The following GIMAP8 variants were observed in gnomAD, a reference collection of about 807,000 sequenced individuals.
GIMAP8 encodes the protein GTPase, IMAP family member 8, also known as GTPase IMAP family member 8.
GIMAP8 carries 29 observed loss-of-function variants against 35.6 expected under a neutral mutation model. The observed-to-expected ratio is 0.81, with a 90% CI of 0.61 to 1.11. The LOEUF (loss-of-function observed/expected upper bound fraction) is 1.11. GIMAP8 is among the 50% of genes most tolerant of loss of function. The pLI is 0.00. For synonymous variants in GIMAP8, 335 were observed against 308.7 expected, an observed-to-expected ratio of 1.09 and a Z score of -0.89; for missense variants, 811 against 805.0, an observed-to-expected ratio of 1.01 and a Z score of -0.09.
At chr7:150,453,036 G>GT (rs1434885675) in intron 1 of GIMAP8, among the ~76,000 whole-genome samples, 3 of 152,006 alleles carry the variant, frequency 2.0e-5, no homozygotes, top group African/African-American at 7.2e-5. Flanking sequence ...AAACAGGCAT[G>GT]TTTGGAGTTT....
intron 1 of GIMAP8, among the ~76,000 whole-genome samples, chr7:150,460,194 G>A (rs1801814356): frequency 6.6e-6 from 1 of 152,144 alleles, no homozygotes; most frequent in South Asian, 2.1e-4. Context: ...GTGGCTGGGG[G>A]AAGAGGCTGA....
chr7:150,451,661 C>A lies in GIMAP8; in HGVS notation c.-29+486C>A, dbSNP rs747178235. 6.6e-6 allele frequency among the ~76,000 whole-genome samples: 1 copy of A among 152,160 alleles called. No homozygotes were observed. Among genetic ancestry groups the A allele is most frequent in the East Asian group, 1.9e-4 (1 of 5,184 alleles). ...CATGAAGCTAGATGGTGCCGCAGAG[C>A]AGCCCCCAGGAGGAAGCCAGCGGAG... On this transcript the variant is annotated intron_variant, in intron 1 of 4. Transcript: ENST00000307271. The surrounding 1 kb of genome is among the most constrained non-coding windows in gnomAD (Gnocchi z 4.1).
At chr7:150,473,559 A>G (rs1263119998) in intron 3 of GIMAP8, among the ~76,000 whole-genome samples, 1 of 149,266 alleles carries the variant, frequency 6.7e-6, no homozygotes, top group Non-Finnish European at 1.5e-5. Flanking sequence ...TTTGAGATCC[A>G]TCTATACTGC....
At position 150,466,679 on chromosome 7, in the gene GIMAP8, G is replaced by C. The variant is rs201085075; in HGVS notation, c.-20G>C. On this transcript the variant is annotated 5_prime_UTR_variant, in exon 2 of 5. Transcript: ENST00000307271. ...GTTTTCTGTCCCAACAGAACAAGCG[G>C]GAGCCTGTGTCAGGAAAGCATGTCA... 219 of 1,610,912 alleles carry C rather than the reference G, an allele frequency of 1.4e-4. 1 individual carries two copies. The highest frequency in any genetic ancestry group is 2.7e-5 in the Non-Finnish European group (32 of 1,178,472).
At position 150,467,022 on chromosome 7, in the gene GIMAP8, G is replaced by A. The variant is rs1801978529; in HGVS notation, c.324G>A (p.Arg108=). The part of the protein sequence containing the change: ...LLVIAIGHFT[R]EDEETAKGIQ... ...TAATTGCCATCGGCCATTTCACAAG[G>A]GAGGATGAGGAAACAGCCAAGGGCA... The change falls in exon 2 of 5, where the codon AGG becomes AGA. Residue 108 remains arginine (R), a synonymous_variant. Transcript: ENST00000307271. The A allele has an allele frequency of 8.1e-6, 13 of 1,614,238 alleles. No homozygotes were observed. The highest frequency in any genetic ancestry group is 1.1e-5 in the Non-Finnish European group (13 of 1,180,044).
At chr7:150,467,433 C>A in intron 2 of GIMAP8, 99 bp downstream of exon 2, 1 of 950,128 alleles carries the variant, frequency 1.1e-6, no homozygotes, top group Non-Finnish European at 1.6e-6. Context: ...TGTGATGGAA[C>A]ATGGGTTTTG....
rs1371586955 is a variant in GIMAP8 at position 150,450,762 on chromosome 7, C to G, written c.-442C>G. ...TTCTGAAGCTCAGCCTGGCACCGGC[C>G]CCGGCGCCCCAGCCCCTGGCCAAGC... On this transcript the variant is annotated 5_prime_UTR_variant, in exon 1 of 5. Transcript: ENST00000307271. The surrounding 1 kb of genome is among the most constrained non-coding windows in gnomAD (Gnocchi z 4.4). 1 of 152,938 alleles carries G rather than the reference C, an allele frequency of 6.5e-6. No homozygotes were observed. Among genetic ancestry groups the G allele is most frequent in the African/African-American group, 2.4e-5 (1 of 41,462 alleles). 9.5% of individuals were successfully genotyped at this position (152,938 alleles called of 1,614,324 possible).
rs1421049994 is a variant in GIMAP8, at chr7:150,472,345, A to G, written c.682+1471A>G. Among the ~76,000 whole-genome samples the G allele has an allele frequency of 6.6e-6, 1 of 152,244 alleles. No homozygotes were observed. Among genetic ancestry groups the G allele is most frequent in the Non-Finnish European group, 1.5e-5 (1 of 68,040 alleles). On this transcript the variant is annotated intron_variant, in intron 3 of 4. Transcript: ENST00000307271. The surrounding 1 kb of genome is among the most constrained non-coding windows in gnomAD (Gnocchi z 4.1). Reference sequence around the variant, plus strand: ...TTCTGTCCAAGGTGACAAGGGTGGAACGAGGCTAAAGCCATCAGGAGGCAG... The same window carrying G: ...TTCTGTCCAAGGTGACAAGGGTGGAGCGAGGCTAAAGCCATCAGGAGGCAG...
intron 3 of GIMAP8, 44 bp from the exon 4 acceptor site, chr7:150,473,968 T>C: frequency 6.4e-7 from 1 of 1,560,310 alleles, no homozygotes. Flanking sequence ...ACATCCATAT[T>C]CAACTGCAGG....
intron 4 of GIMAP8, among the ~76,000 whole-genome samples, chr7:150,474,934 C>CTTAT: frequency 6.6e-6 from 1 of 150,658 alleles, no homozygotes; most frequent in South Asian, 2.1e-4. Context: ...TCCATGTGAT[C>CTTAT]TTATTGTTCA....
rs1373884339 is a variant in GIMAP8 at position 150,452,709 on chromosome 7, T to TATATATATATATAC, written c.-29+1535_-29+1536insTATATATATATACA. ...ATATATATATATATATATATATATA[T>TATATATATATATAC]ACATGCGAGTGGAACTACAGGCACC... On this transcript the variant is annotated intron_variant, in intron 1 of 4. Coordinates refer to ENST00000307271, the MANE Select transcript of GIMAP8 (RefSeq NM_175571.4). 6.9e-3 allele frequency among the ~76,000 whole-genome samples: 732 copies of TATATATATATATAC among 106,262 alleles called. 1 individual carries two copies. The highest frequency in any genetic ancestry group is 0.016 in the East Asian group (39 of 2,472). 69.7% of individuals were successfully genotyped at this position (106,262 alleles called of 152,430 possible). A position where few individuals can be genotyped will look rare whatever the true frequency, so the allele number is the denominator to read the frequency against.
intron 1 of GIMAP8, among the ~76,000 whole-genome samples, chr7:150,461,358 T>C (rs1261240327): frequency 6.6e-6 from 1 of 152,232 alleles, no homozygotes; most frequent in Non-Finnish European, 1.5e-5. Context: ...TGTATTGGGG[T>C]CTAGCTCTCT....
rs1802281119 is a variant in GIMAP8 at position 150,478,064 on chromosome 7, G to A, written c.*284G>A. ...AATAAGTGGTAGAATCAAGTCACAAGAATCACCTCACTTGTGTAGGTAGGT... is the reference window on the plus strand; with the variant it reads ...AATAAGTGGTAGAATCAAGTCACAAAAATCACCTCACTTGTGTAGGTAGGT... On this transcript the variant is annotated 3_prime_UTR_variant, in exon 5 of 5. Transcript: ENST00000307271. The A allele has an allele frequency of 2.2e-6, 1 of 449,540 alleles. No homozygotes were observed. The highest frequency in any genetic ancestry group is 4.0e-6 in the Non-Finnish European group (1 of 251,498). The allele number at this position is 449,540 out of a possible 1,614,324, so 27.8% of individuals were successfully genotyped here.
At position 150,477,371 on chromosome 7, in the gene GIMAP8, T is replaced by G. The variant is rs1802257854; in HGVS notation, c.1589T>G (p.Leu530Arg). The change falls in exon 5 of 5, where the codon CTG becomes CGG. Residue 530 changes from leucine (L) to arginine (R), a missense_variant. Physicochemically the swap from Leu to Arg is moderately radical, Grantham distance 102 (BLOSUM62 -2). Transcript: ENST00000307271. The part of the protein sequence containing the change: ...CCEKGDTFFV[L>R]VFQLGRFTEE... The stretch of plus-strand genomic sequence containing the variant: ...GAAAAAGGGGACACATTTTTTGTCC[T>G]GGTGTTCCAGCTGGGACGATTCACT... The G allele has an allele frequency of 6.2e-7, 1 of 1,614,108 alleles. No homozygotes were observed. The highest frequency in any genetic ancestry group is 8.5e-7 in the Non-Finnish European group (1 of 1,180,052).
At chr7:150,463,536 G>A (rs920200941) in intron 1 of GIMAP8, among the ~76,000 whole-genome samples, 4 of 152,178 alleles carry the variant, frequency 2.6e-5, no homozygotes, top group African/African-American at 9.7e-5. Context: ...TGTTGATTGG[G>A]TAGGGTGCTT....
At chr7:150,469,383 C>T (rs1802040041) in intron 2 of GIMAP8, among the ~76,000 whole-genome samples, 1 of 152,218 alleles carries the variant, frequency 6.6e-6, no homozygotes. Flanking sequence ...AATGTCACCA[C>T]CACATCAAGT....
rs1801607261 is a variant in GIMAP8, at chr7:150,451,494, A to C, written c.-29+319A>C. On this transcript the variant is annotated intron_variant, in intron 1 of 4. Coordinates refer to ENST00000307271, the MANE Select transcript of GIMAP8 (RefSeq NM_175571.4). The surrounding 1 kb of genome is among the most constrained non-coding windows in gnomAD (Gnocchi z 4.1). ...GGAGTAGATTCGGCAGGATGGGGAC[A>C]GAGGCATATTCCCAGACATCTATGA... Among the ~76,000 whole-genome samples, 1 of 152,182 alleles carries C rather than the reference A, an allele frequency of 6.6e-6. No homozygotes were observed. Among genetic ancestry groups the C allele is most frequent in the South Asian group, 2.1e-4 (1 of 4,826 alleles).
At position 150,474,044 on chromosome 7, in the gene GIMAP8, C is replaced by A; in HGVS notation, c.715C>A (p.Pro239Thr). ...PRERQLQSTG[P>T]EQNPGTSELT... Reference sequence around the variant, plus strand: ...GGAAAGGCAGCTGCAGTCCACAGGACCCGAGCAGAATCCGGGGACATCAGA... The same window carrying A: ...GGAAAGGCAGCTGCAGTCCACAGGAACCGAGCAGAATCCGGGGACATCAGA... The change falls in exon 4 of 5, where the codon CCC (proline) becomes ACC (threonine). Residue 239 changes from proline (P) to threonine (T), a missense_variant. Physicochemically the swap from Pro to Thr is conservative, Grantham distance 38. Transcript: ENST00000307271. 1 of 1,613,926 alleles carries A rather than the reference C, an allele frequency of 6.2e-7. No individual in the cohort carries two copies. The highest frequency in any genetic ancestry group is 8.5e-7 in the Non-Finnish European group (1 of 1,179,950).
chr7:150,472,157 AGTC>A lies in GIMAP8; in HGVS notation c.682+1284_682+1286del. 6.6e-6 allele frequency among the ~76,000 whole-genome samples: 1 copy of A among 152,136 alleles called. No individual in the cohort carries two copies. Among genetic ancestry groups the A allele is most frequent in the Non-Finnish European group, 1.5e-5 (1 of 68,036 alleles). On this transcript the variant is annotated intron_variant, in intron 3 of 4. Transcript: ENST00000307271. This position sits in a 1 kb window ranked among gnomAD's most constrained non-coding sequence, Gnocchi z 4.1. ...TGTGAGGGCCCAGCACACCATGGGG[AGTC>A]ACAGGGCTGTCAGAAACAGGGGGCA...
Sources: allele counts gnomAD v4.1 joint callset (sites outside exome capture counted in the v4.1 genomes callset), GRCh38; gene constraint gnomAD v4.1.1; non-coding constraint Gnocchi (gnomAD v3.1); transcripts MANE v1.5; gene names NCBI Gene and HGNC (gene_info 2026-07-23, HGNC 2026-07-21).